Variants in BIRC6 observed in about 807,000 individuals in gnomAD.
The protein encoded by BIRC6 is dual E2 ubiquitin-conjugating enzyme/E3 ubiquitin-protein ligase BIRC6.
Under a neutral mutation model 503.3 loss-of-function variants are expected in BIRC6, and 98 were observed. The observed-to-expected ratio is 0.19, with a 90% CI of 0.17 to 0.23. The LOEUF (loss-of-function observed/expected upper bound fraction) is 0.23. Among genes scored for constraint, BIRC6 ranks in the 10% least tolerant of loss-of-function variants. The probability of loss-of-function intolerance (pLI) is 1.00; values close to 1 mark genes in which losing one functional copy is unlikely to be tolerated. For synonymous variants in BIRC6, 2,240 were observed against 2,078.7 expected, an observed-to-expected ratio of 1.08 and a Z score of -2.11; for missense variants, 5,360 against 5,806.0, an observed-to-expected ratio of 0.92 and a Z score of 2.50.
chr2:32,578,810 AC>A (rs2060445259), intron 66 of BIRC6, among the ~76,000 whole-genome samples: 1 of 137,566 alleles, frequency 7.3e-6, no homozygotes, highest in Non-Finnish European at 1.5e-5. Flanking sequence ...AAAAATACAT[AC>A]ATACATACAT....
At chr2:32,421,982 C>G (rs2042996162) in intron 10 of BIRC6, among the ~76,000 whole-genome samples, 1 of 152,186 alleles carries the variant, frequency 6.6e-6, no homozygotes, top group Non-Finnish European at 1.5e-5. Context: ...TTTTGCTTCA[C>G]TTGACTTTTG....
At chr2:32,363,606 T>C (rs917738835) in intron 1 of BIRC6, among the ~76,000 whole-genome samples, 2 of 152,200 alleles carry the variant, frequency 1.3e-5, no homozygotes, top group African/African-American at 4.8e-5. Flanking sequence ...GTTTGTCTTT[T>C]TTATAAGCTT....
intron 1 of BIRC6, among the ~76,000 whole-genome samples, chr2:32,366,731 C>T (rs887486458): frequency 9.2e-5 from 14 of 152,050 alleles, no homozygotes; most frequent in Non-Finnish European, 1.6e-4. Flanking sequence ...GCCTGTAATC[C>T]CAGCACTTTG....
chr2:32,596,244 A>T (rs184958555), intron 68 of BIRC6, among the ~76,000 whole-genome samples: 16 of 152,064 alleles, frequency 1.1e-4, no homozygotes, highest in Non-Finnish European at 4.4e-5. Context: ...GCACTTTAGG[A>T]GGCCGAGGTG....
In BIRC6 at chr2:32,543,558, A is replaced by G; in HGVS notation, c.12592+17A>G. ...GAGAAGGAAGTAAGTGTTTAGTATTAAATTTATCAACACATATGTGAATAG... is the reference window on the plus strand; with the variant it reads ...GAGAAGGAAGTAAGTGTTTAGTATTGAATTTATCAACACATATGTGAATAG... On this transcript the variant is annotated intron_variant, in intron 62 of 73. Coordinates refer to ENST00000421745, the MANE Select transcript of BIRC6 (RefSeq NM_016252.4). 1 of 1,606,376 alleles carries G rather than the reference A, an allele frequency of 6.2e-7. No individual in the cohort carries two copies.
chr2:32,534,232 G>A (rs1446107162), intron 61 of BIRC6, among the ~76,000 whole-genome samples: 1 of 151,018 alleles, frequency 6.6e-6, no homozygotes, highest in Admixed American at 6.6e-5. Context: ...AAATTAGCCC[G>A]GTGTGGTAGT....
At chr2:32,371,536 G>A (rs1297116311) in intron 1 of BIRC6, among the ~76,000 whole-genome samples, 2 of 151,642 alleles carry the variant, frequency 1.3e-5, no homozygotes, top group African/African-American at 4.8e-5. Context: ...CGCCATGCCC[G>A]GCTAATTTTT....
intron 1 of BIRC6, among the ~76,000 whole-genome samples, chr2:32,362,790 A>C (rs886651091): frequency 6.6e-6 from 1 of 151,604 alleles, no homozygotes; most frequent in African/African-American, 2.4e-5. Flanking sequence ...GTGTCTTAAA[A>C]ATTTTTTTTT....
chr2:32,466,241 C>T (rs541871440), intron 26 of BIRC6, among the ~76,000 whole-genome samples: 1 of 152,068 alleles, frequency 6.6e-6, no homozygotes, highest in Admixed American at 6.5e-5. Flanking sequence ...ACTAGCTGAC[C>T]CACCCCAAAA....
At chr2:32,466,901 C>T (rs946605367) in intron 26 of BIRC6, among the ~76,000 whole-genome samples, 8 of 151,978 alleles carry the variant, frequency 5.3e-5, no homozygotes, top group South Asian at 2.1e-4. Flanking sequence ...GGGTGGATCA[C>T]GAGGTCAGGA....
At chr2:32,565,197 A>G (rs565201949) in intron 65 of BIRC6, 5 of 152,186 alleles carry the variant, frequency 3.3e-5, no homozygotes, top group Non-Finnish European at 5.9e-5. Context: ...TACTAATTAA[A>G]TGTTTTAGAA....
In BIRC6 at chr2:32,508,276, C is replaced by CTTTTTTTTTTTT. The variant is rs10528992; in HGVS notation, c.9980+33_9980+44dup. The CTTTTTTTTTTTT allele has an allele frequency of 1.1e-4, 96 of 864,830 alleles. 9 individuals are homozygous for CTTTTTTTTTTTT. In the African/African-American group the frequency reaches 1.5e-3, roughly 14 times the overall value. The allele number at this position is 864,830 out of a possible 1,614,324, so 53.6% of individuals were successfully genotyped here. ...CAAAACAAGGTATGTTTTGTTTGTC[C>CTTTTTTTTTTTT]TTTTTTTTTTTTTTTTTTTTTTTTT... On this transcript the variant is annotated intron_variant, in intron 51 of 73. Coordinates refer to ENST00000421745, the MANE Select transcript of BIRC6 (RefSeq NM_016252.4).
At chr2:32,377,922 A>C (rs1167368414) in intron 2 of BIRC6, among the ~76,000 whole-genome samples, 153 bp downstream of exon 2, 3 of 152,190 alleles carry the variant, frequency 2.0e-5, no homozygotes, top group African/African-American at 7.2e-5. Context: ...TTTAAATATT[A>C]ATACTCACCT....
intron 66 of BIRC6, among the ~76,000 whole-genome samples, chr2:32,581,926 G>A (rs556646414): frequency 6.6e-6 from 1 of 152,108 alleles, no homozygotes; most frequent in Non-Finnish European, 1.5e-5. Flanking sequence ...GCAGTGGTGC[G>A]ATCTTGGCTC....
At chr2:32,407,445 C>CAAAAAAA (rs760585710) in intron 9 of BIRC6, among the ~76,000 whole-genome samples, 3 of 69,804 alleles carry the variant, frequency 4.3e-5, no homozygotes, top group Non-Finnish European at 5.9e-5. Context: ...AACTCTGTCT[C>CAAAAAAA]AAAAAAAAAA....
At position 32,543,360 on chromosome 2, in the gene BIRC6, G is replaced by A. The variant is rs148397523; in HGVS notation, c.12411G>A (p.Ala4137=). 2,712 of 1,613,956 alleles carry A rather than the reference G, an allele frequency of 1.7e-3. 6 individuals carry two copies. The highest frequency in any genetic ancestry group is 2.0e-3 in the Non-Finnish European group (2,354 of 1,179,874). Residue 4137 remains alanine, a synonymous_variant, in exon 62 of 74, where the codon GCG becomes GCA. Transcript: ENST00000421745. ...ELVYEAPETV[A]AEPPPIKSAV... The stretch of plus-strand genomic sequence containing the variant: ...TTTATGAAGCACCAGAAACTGTTGC[G>A]GCTGAACCTCCACCTATCAAGTCAG...
chr2:32,426,032 C>G (rs182203366), intron 10 of BIRC6, among the ~76,000 whole-genome samples: 26 of 152,320 alleles, frequency 1.7e-4, no homozygotes, highest in Admixed American at 1.2e-3. Flanking sequence ...TCCCATAGTT[C>G]TGAAATAGTT....
In BIRC6 at chr2:32,611,470, T is replaced by G; in HGVS notation, c.14282T>G (p.Leu4761Trp). The part of the protein sequence containing the change: ...FKEVIHKHFY[L>W]KRVEIMAQCE... ...AAGGTAATACACAAACATTTTTACTTGAAAAGAGTTGAGATAATGGCCCAA... is the reference window on the plus strand; with the variant it reads ...AAGGTAATACACAAACATTTTTACTGGAAAAGAGTTGAGATAATGGCCCAA... The change falls in exon 73 of 74, where the codon TTG (leucine) becomes TGG (tryptophan). Residue 4761 changes from leucine (L) to tryptophan (W), a missense_variant. Coordinates refer to ENST00000421745, the MANE Select transcript of BIRC6 (RefSeq NM_016252.4). 1 of 1,607,720 alleles carries G rather than the reference T, an allele frequency of 6.2e-7. No individual in the cohort carries two copies. The highest frequency in any genetic ancestry group is 8.5e-7 in the Non-Finnish European group (1 of 1,176,162).
chr2:32,460,270 ATAT>A (rs1157022356), intron 23 of BIRC6, among the ~76,000 whole-genome samples: 6 of 24,208 alleles, frequency 2.5e-4, no homozygotes, highest in East Asian at 1.6e-3. Context: ...ATATATATAT[ATAT>A]TTTTTTTTTT....
Sources: allele counts gnomAD v4.1 joint callset (sites outside exome capture counted in the v4.1 genomes callset), GRCh38; gene constraint gnomAD v4.1.1; transcripts MANE v1.5; gene names NCBI Gene and HGNC (gene_info 2026-07-23, HGNC 2026-07-21).